ZFHX3: variants seen among roughly 807,000 people sequenced by gnomAD.
ZFHX3 encodes zinc finger homeobox protein 3.
Under a neutral mutation model 279.1 loss-of-function variants are expected in ZFHX3, and 42 were observed. The ratio of observed to expected loss-of-function variants is 0.15; its 90% CI spans 0.12 to 0.19. ZFHX3 has a LOEUF of 0.19. Among genes scored for constraint, ZFHX3 ranks in the 10% least tolerant of loss-of-function variants. ZFHX3 has a pLI of 1.00. For missense variants in ZFHX3, 4,981 were observed against 4,754.0 expected (o/e 1.05, Z -1.40); for synonymous variants, 2,293 against 1,957.8 (o/e 1.17, Z -4.52).
At chr16:73,150,778 C>T (rs967794002) in intron 5 of ZFHX3, among the ~76,000 whole-genome samples, 3 of 152,160 alleles carry the variant, frequency 2.0e-5, no homozygotes, top group South Asian at 4.1e-4. Flanking sequence ...TTTGTATCTC[C>T]AGCACTTTCT....
chr16:72,986,734 T>C (rs917793470), intron 1 of ZFHX3, among the ~76,000 whole-genome samples: 1 of 152,200 alleles, frequency 6.6e-6, no homozygotes. Flanking sequence ...AGTATAATCA[T>C]GTTCTTCGGA....
At chr16:73,528,523 G>A (rs1028415718) in intron 2 of ZFHX3, among the ~76,000 whole-genome samples, 2 of 152,316 alleles carry the variant, frequency 1.3e-5, no homozygotes, top group South Asian at 4.1e-4. Context: ...GGAAATTAAT[G>A]CGTGGACACT....
intron 8 of ZFHX3, among the ~76,000 whole-genome samples, chr16:73,080,654 G>A (rs1003442696): frequency 6.6e-6 from 1 of 151,982 alleles, no homozygotes; most frequent in Non-Finnish European, 1.5e-5. Context: ...GCTCACTGCA[G>A]CCTCAAACTC....
intron 1 of ZFHX3, among the ~76,000 whole-genome samples, chr16:73,777,932 G>A (rs1211973491): frequency 6.6e-6 from 1 of 151,984 alleles, no homozygotes; most frequent in Admixed American, 6.6e-5. Context: ...GTCAATTCCT[G>A]GATGTTAAGC....
intron 4 of ZFHX3, among the ~76,000 whole-genome samples, chr16:72,831,510 A>G (rs2037058920): frequency 6.6e-6 from 1 of 152,208 alleles, no homozygotes; most frequent in Non-Finnish European, 1.5e-5. Context: ...TCAGGCAACC[A>G]CAGCTTGAAG....
At chr16:73,713,946 A>G (rs141529144) in intron 1 of ZFHX3, among the ~76,000 whole-genome samples, 1 of 152,150 alleles carries the variant, frequency 6.6e-6, no homozygotes, top group Admixed American at 6.5e-5. Flanking sequence ...AGGCTTTCGC[A>G]TCAGAAGAAT....
intron 4 of ZFHX3, among the ~76,000 whole-genome samples, chr16:72,841,841 C>T (rs570292859): frequency 9.9e-5 from 15 of 152,184 alleles, no homozygotes; most frequent in Non-Finnish European, 1.9e-4. Context: ...CAGTGATAGT[C>T]ATCAAGACAA....
intron 3 of ZFHX3, among the ~76,000 whole-genome samples, chr16:73,372,686 G>A (rs1460651583): frequency 6.6e-6 from 1 of 152,208 alleles, no homozygotes; most frequent in Non-Finnish European, 1.5e-5. Flanking sequence ...TGGCCAAGAT[G>A]GCCCATGATT....
intron 2 of ZFHX3, among the ~76,000 whole-genome samples, chr16:73,470,248 C>G (rs74608829): frequency 1.3e-5 from 2 of 152,168 alleles, no homozygotes; most frequent in African/African-American, 2.4e-5. Flanking sequence ...GGGGCTTCAA[C>G]GCATCATCTA....
intron 5 of ZFHX3, among the ~76,000 whole-genome samples, chr16:73,168,749 ACT>A (rs1216911656): frequency 1.3e-5 from 2 of 151,928 alleles, no homozygotes; most frequent in East Asian, 3.9e-4. Flanking sequence ...TCCACAAAAC[ACT>A]CTGTGCACCA....
At chr16:73,868,144 G>T (rs1478298254) in intron 1 of ZFHX3, among the ~76,000 whole-genome samples, 1 of 152,230 alleles carries the variant, frequency 6.6e-6, no homozygotes, top group Non-Finnish European at 1.5e-5. Context: ...ATTTCGGCAT[G>T]TGTAACAAAG....
At chr16:72,902,662 C>A (rs1360796229) in intron 3 of ZFHX3, among the ~76,000 whole-genome samples, 1 of 152,178 alleles carries the variant, frequency 6.6e-6, no homozygotes, top group East Asian at 1.9e-4. Context: ...TTAATCATTC[C>A]AATGGGCCTG....
intron 2 of ZFHX3, among the ~76,000 whole-genome samples, chr16:73,630,293 T>G (rs2052455781): frequency 6.6e-6 from 1 of 152,208 alleles, no homozygotes; most frequent in Non-Finnish European, 1.5e-5. Context: ...AAATTGGAAA[T>G]TAATTTGATC....
chr16:73,856,639 T>C (rs1205008216), intron 1 of ZFHX3, among the ~76,000 whole-genome samples: 1 of 152,244 alleles, frequency 6.6e-6, no homozygotes, highest in East Asian at 1.9e-4. Flanking sequence ...CATCTGTGAA[T>C]ACTTCATTTA....
At chr16:73,678,585 C>A (rs369796610) in intron 2 of ZFHX3, among the ~76,000 whole-genome samples, 2 of 152,196 alleles carry the variant, frequency 1.3e-5, no homozygotes, top group East Asian at 3.9e-4. Context: ...TACACTTATA[C>A]AACATTGAAA....
intron 2 of ZFHX3, among the ~76,000 whole-genome samples, chr16:73,601,598 A>C (rs1238164199): frequency 6.6e-6 from 1 of 152,220 alleles, no homozygotes; most frequent in Non-Finnish European, 1.5e-5. Flanking sequence ...CATCCTACAT[A>C]GTAATCCAAC....
At chr16:73,876,260 G>GA (rs2142406650) in intron 1 of ZFHX3, among the ~76,000 whole-genome samples, 1 of 152,178 alleles carries the variant, frequency 6.6e-6, no homozygotes, top group African/African-American at 2.4e-5. Context: ...AGACAGTCAT[G>GA]AAAAAAATAT....
intron 1 of ZFHX3, among the ~76,000 whole-genome samples, chr16:73,811,586 A>C (rs1305327275): frequency 6.6e-6 from 1 of 151,740 alleles, no homozygotes; most frequent in East Asian, 1.9e-4. Context: ...CTGGGACTAC[A>C]GGCACGCGCG....
intron 3 of ZFHX3, among the ~76,000 whole-genome samples, chr16:73,389,833 G>A (rs1027384136): frequency 1.3e-5 from 2 of 152,240 alleles, no homozygotes; most frequent in African/African-American, 4.8e-5. Flanking sequence ...GCAGAGGCGG[G>A]TGGATCACTT....
Sources: allele counts gnomAD v4.1 joint callset (sites outside exome capture counted in the v4.1 genomes callset), GRCh38; gene constraint gnomAD v4.1.1; transcripts MANE v1.5; gene names NCBI Gene and HGNC (gene_info 2026-07-23, HGNC 2026-07-21).